NBEAL1: variants seen among roughly 807,000 people sequenced by gnomAD.
NBEAL1 encodes neurobeachin like 1, also known as neurobeachin-like protein 1.
Under a neutral mutation model 351.3 loss-of-function variants are expected in NBEAL1, and 273 were observed. That is an observed-to-expected ratio of 0.78 (90% confidence interval 0.70 to 0.86). The LOEUF (loss-of-function observed/expected upper bound fraction) is 0.86. NBEAL1 is among the 40% of genes least tolerant of loss of function. The pLI, the probability that NBEAL1 is intolerant of heterozygous loss-of-function variation, is 0.00. For synonymous variants in NBEAL1, 1,050 were observed against 1,086.4 expected (o/e 0.97, Z 0.66); for missense variants, 2,961 against 3,201.3 (o/e 0.92, Z 1.81).
intron 3 of NBEAL1, among the ~76,000 whole-genome samples, chr2:203,046,439 C>T (rs1175948754): frequency 6.6e-6 from 1 of 151,906 alleles, no homozygotes; most frequent in African/African-American, 2.4e-5. Flanking sequence ...AGATGGTCTC[C>T]ATCTCCTGAC....
chr2:203,094,659 G>A (rs773444673), intron 10 of NBEAL1, among the ~76,000 whole-genome samples: 24 of 152,166 alleles, frequency 1.6e-4, no homozygotes, highest in Non-Finnish European at 2.6e-4. Context: ...TGGCAAATGA[G>A]TTTCATCAAA....
At chr2:203,146,896 G>A (rs184212994) in intron 33 of NBEAL1, among the ~76,000 whole-genome samples, 6 of 152,226 alleles carry the variant, frequency 3.9e-5, no homozygotes, top group African/African-American at 1.4e-4. Flanking sequence ...TTAATATACT[G>A]AACCGCATTA....
chr2:203,130,212 A>C, intron 24 of NBEAL1, 106 bp from the exon 25 acceptor site: 9 of 1,110,664 alleles, frequency 8.1e-6, no homozygotes, highest in African/African-American at 1.7e-5. Flanking sequence ...AAGTTAAGAT[A>C]AAACATTATA....
Position 203,201,537 on chromosome 2 carries a change from T to A in NBEAL1, c.7239-6T>A, listed in dbSNP as rs1220368747. ...GGAAAAGTCTGATATTTAATTGTGT[T>A]TACAGAACTCAGCGCAGTATAAATG... On this transcript the variant is annotated splice_region_variant and splice_polypyrimidine_tract_variant and intron_variant, in intron 49 of 55. Coordinates refer to ENST00000683969, the MANE Select transcript of NBEAL1 (RefSeq NM_001378026.1). 1 of 1,528,336 alleles carries A rather than the reference T, an allele frequency of 6.5e-7. No homozygotes were observed. Among genetic ancestry groups the A allele is most frequent in the Non-Finnish European group, 8.8e-7 (1 of 1,131,650 alleles). The allele number at this position is 1,528,336 out of a possible 1,614,324, so 94.7% of individuals were successfully genotyped here.
At chr2:203,064,646 T>C (rs2061552381) in intron 6 of NBEAL1, among the ~76,000 whole-genome samples, 1 of 152,126 alleles carries the variant, frequency 6.6e-6, no homozygotes, top group Non-Finnish European at 1.5e-5. Flanking sequence ...AAAGGAGGGC[T>C]GGAGGACAAC....
intron 24 of NBEAL1, 41 bp from the exon 25 acceptor site, chr2:203,130,277 A>G (rs1478796276): frequency 6.7e-7 from 1 of 1,484,846 alleles, no homozygotes; most frequent in Admixed American, 2.8e-5. Flanking sequence ...GCTTGTATAT[A>G]TGAATGTGGT....
chr2:203,202,471 A>G (rs1158237915), intron 50 of NBEAL1, among the ~76,000 whole-genome samples: 1 of 151,550 alleles, frequency 6.6e-6, no homozygotes, highest in Non-Finnish European at 1.5e-5. Context: ...TCTCATGCTC[A>G]GAGAAGGGGG....
intron 42 of NBEAL1, among the ~76,000 whole-genome samples, chr2:203,177,885 C>T (rs202141135): frequency 2.0e-5 from 3 of 151,628 alleles, no homozygotes; most frequent in South Asian, 2.1e-4. Context: ...TGGGCGTGGT[C>T]GTGGGTGCCT....
chr2:203,042,733 G>A (rs1289881705), intron 3 of NBEAL1, among the ~76,000 whole-genome samples: 1 of 151,834 alleles, frequency 6.6e-6, no homozygotes. Flanking sequence ...GACTACAGGC[G>A]CACGCCACCA....
chr2:203,014,732 T>C (rs2060647416), upstream of NBEAL1: 1 of 152,320 alleles, frequency 6.6e-6, no homozygotes, highest in Admixed American at 6.5e-5. Context: ...GGGCTTCAGG[T>C]CACCCCGCCC....
intron 20 of NBEAL1, among the ~76,000 whole-genome samples, chr2:203,125,733 G>A (rs968969324): frequency 1.3e-5 from 2 of 152,122 alleles, no homozygotes; most frequent in African/African-American, 4.8e-5. Flanking sequence ...TATACTCTTA[G>A]TGGAAATATG....
At chr2:203,017,503 A>G (rs1460662939) in intron 2 of NBEAL1, among the ~76,000 whole-genome samples, 1 of 152,194 alleles carries the variant, frequency 6.6e-6, no homozygotes, top group South Asian at 2.1e-4. Flanking sequence ...ATTTAATACC[A>G]GAAATGTCTT....
At position 203,138,711 on chromosome 2, in the gene NBEAL1, A is replaced by G. The variant is rs2063286800; in HGVS notation, c.4811A>G (p.Gln1604Arg). Residue 1604 changes from glutamine to arginine, a missense_variant, in exon 31 of 56, where the codon CAG (glutamine) becomes CGG (arginine). Coordinates refer to ENST00000683969, the MANE Select transcript of NBEAL1 (RefSeq NM_001378026.1). ...GTAAAACTCTCTCAAATTCAGATCC[A>G]GTTGCTTCTAGGATTCATTGGAAGG... The part of the protein sequence containing the change: ...VWVKLSQIQI[Q>R]LLLGFIGRGN... The G allele has an allele frequency of 1.2e-6, 2 of 1,613,050 alleles. No homozygotes were observed. Among genetic ancestry groups the G allele is most frequent in the Non-Finnish European group, 1.7e-6 (2 of 1,179,668 alleles).
intron 51 of NBEAL1, among the ~76,000 whole-genome samples, chr2:203,207,779 A>G (rs948343484): frequency 3.3e-5 from 5 of 152,348 alleles, no homozygotes; most frequent in Admixed American, 3.3e-4. Context: ...ACACTGCGGA[A>G]GGCCGCAGGG....
intron 17 of NBEAL1, among the ~76,000 whole-genome samples, chr2:203,113,947 G>T (rs1413099197): frequency 1.3e-5 from 2 of 151,020 alleles, no homozygotes; most frequent in African/African-American, 4.9e-5. Context: ...TCAGCCTCCC[G>T]AGTAACTGGG....
chr2:203,040,000 AG>A (rs2061112743), intron 2 of NBEAL1: 1 of 565,236 alleles, frequency 1.8e-6, no homozygotes. Context: ...AGGGGTGGTG[AG>A]GTTTCTGGTT....
At chr2:203,195,916 C>G (rs1002336581) in intron 47 of NBEAL1, among the ~76,000 whole-genome samples, 1 of 152,172 alleles carries the variant, frequency 6.6e-6, no homozygotes, top group Non-Finnish European at 1.5e-5. Flanking sequence ...CACAAACACT[C>G]TAGGTGTAGT....
At chr2:203,091,722 T>G (rs1171440345) in intron 10 of NBEAL1, among the ~76,000 whole-genome samples, 2 of 152,188 alleles carry the variant, frequency 1.3e-5, no homozygotes, top group Non-Finnish European at 2.9e-5. Context: ...CTCTAATGAT[T>G]AGTGATATTG....
At chr2:203,202,278 A>G (rs2065421658) in intron 50 of NBEAL1, among the ~76,000 whole-genome samples, 1 of 152,220 alleles carries the variant, frequency 6.6e-6, no homozygotes, top group African/African-American at 2.4e-5. Flanking sequence ...GTGAATTTAT[A>G]GTATAGTATG....
Sources: allele counts gnomAD v4.1 joint callset (sites outside exome capture counted in the v4.1 genomes callset), GRCh38; gene constraint gnomAD v4.1.1; transcripts MANE v1.5; gene names NCBI Gene and HGNC (gene_info 2026-07-23, HGNC 2026-07-21).